The following EML5 variants were observed in gnomAD, a reference collection of about 807,000 sequenced individuals.
The protein encoded by EML5 is EMAP like 5.
In EML5, 120 loss-of-function variants were observed where a neutral mutation model predicts 250.0. The ratio of observed to expected loss-of-function variants is 0.48; its 90% CI spans 0.41 to 0.56. The LOEUF is 0.56. Ranked by LOEUF, EML5 falls within the 20% of genes least tolerant of loss-of-function variation. The probability of loss-of-function intolerance (pLI) is 0.00; values close to 1 mark genes in which losing one functional copy is unlikely to be tolerated. For synonymous variants in EML5, 771 were observed against 806.5 expected (o/e 0.96, Z 0.75); for missense variants, 2,006 against 2,437.6 (o/e 0.82, Z 3.73).
At chr14:88,784,659 A>T (rs2094532477) in intron 1 of EML5, among the ~76,000 whole-genome samples, 1 of 152,198 alleles carries the variant, frequency 6.6e-6, no homozygotes, top group African/African-American at 2.4e-5. Context: ...TCCAAATCAA[A>T]ACTACAATGA....
At position 88,620,576 on chromosome 14, in the gene EML5, TA is replaced by T; in HGVS notation, c.5375+177del. 2.0e-6 allele frequency: 1 copy of T among 503,260 alleles called. No homozygotes were observed. The allele number at this position is 503,260 out of a possible 1,614,324, so 31.2% of individuals were successfully genotyped here. A position where few individuals can be genotyped will look rare whatever the true frequency, so the allele number is the denominator to read the frequency against. On this transcript the variant is annotated intron_variant, in intron 39 of 43. Coordinates refer to ENST00000554922, the MANE Select transcript of EML5 (RefSeq NM_183387.3). The surrounding 1 kb of genome is among the most constrained non-coding windows in gnomAD (Gnocchi z 4.3). ...TTATAGTTGGTGCCCAGTGGGTTTA[TA>T]ATTTAGCAAGAAGAATTAAGTAGTA...
intron 37 of EML5, chr14:88,621,514 C>T (rs1371876565): frequency 1.7e-5 from 10 of 587,662 alleles, no homozygotes; most frequent in African/African-American, 1.1e-4. Context: ...ATATTAGAGT[C>T]CATGCTACAG....
At chr14:88,667,765 C>T (rs1354744119) in intron 21 of EML5, among the ~76,000 whole-genome samples, 2 of 152,206 alleles carry the variant, frequency 1.3e-5, no homozygotes, top group African/African-American at 4.8e-5. Context: ...GAGTGGCAGC[C>T]CCAACTGCCT....
rs1055542823 is a variant in EML5 at position 88,681,377 on chromosome 14, G to A, written c.3124+513C>T. On this transcript the variant is annotated intron_variant, in intron 21 of 43. Coordinates refer to ENST00000554922, the MANE Select transcript of EML5 (RefSeq NM_183387.3). Reference sequence around the variant, plus strand: ...TGTGATCCCACCACTTTGGCAGGCCGAGGTGGGCAGATCATGAGGTCAGGA... The same window carrying A: ...TGTGATCCCACCACTTTGGCAGGCCAAGGTGGGCAGATCATGAGGTCAGGA... Among the ~76,000 whole-genome samples, 22 of 152,348 alleles carry A rather than the reference G, an allele frequency of 1.4e-4. 1 individual carries two copies. The highest frequency in any genetic ancestry group is 1.2e-3 in the Admixed American group (18 of 15,312).
At position 88,621,140 on chromosome 14, in the gene EML5, T is replaced by C. The variant is rs761530690; in HGVS notation, c.5175A>G (p.Thr1725=). The C allele has an allele frequency of 8.7e-6, 14 of 1,613,790 alleles. No homozygotes were observed. The highest frequency in any genetic ancestry group is 1.7e-5 in the Admixed American group (1 of 59,994). ...DFFLSAAEDG[T]VRLWDIADKK... ...TATCAGCAATATCCCAAAGTCTCAC[T>C]GTCCCATCTTCTGCAGCAGAAAGGA... Residue 1725 remains threonine (T), a synonymous_variant, in exon 38 of 44, where the codon ACA becomes ACG. Coordinates refer to ENST00000554922, the MANE Select transcript of EML5 (RefSeq NM_183387.3).
intron 32 of EML5, among the ~76,000 whole-genome samples, chr14:88,635,735 G>A (rs115203301): frequency 1.9e-4 from 29 of 152,158 alleles, no homozygotes; most frequent in African/African-American, 7.0e-4. Flanking sequence ...GCTATGAACT[G>A]GATGTCTGTC....
intron 8 of EML5, among the ~76,000 whole-genome samples, chr14:88,724,565 T>G (rs1261285092): frequency 6.9e-6 from 1 of 145,342 alleles, no homozygotes; most frequent in Non-Finnish European, 1.5e-5. Flanking sequence ...AGTAAATGTA[T>G]AACTAAAAAA....
intron 7 of EML5, among the ~76,000 whole-genome samples, chr14:88,729,870 GTTTT>G (rs71130010): frequency 9.9e-6 from 1 of 101,114 alleles, no homozygotes; most frequent in African/African-American, 3.3e-5. Context: ...CTTGTTTTTT[GTTTT>G]TTTTTTTTGT....
rs1193507809 is a variant in EML5, at chr14:88,622,710, T to C, written c.4907A>G (p.Glu1636Gly). 11 of 1,604,048 alleles carry C rather than the reference T, an allele frequency of 6.9e-6. No homozygotes were observed. The East Asian group carries it at 1.1e-4, about 16-fold the overall frequency. Residue 1636 changes from glutamate to glycine, a missense_variant, in exon 37 of 44, where the codon GAA becomes GGA. Physicochemically the swap from Glu to Gly is moderately conservative, Grantham distance 98. This residue lies in a region of EML5 where 405 missense variants were observed against 523.3 expected (regional missense o/e 0.77). Coordinates refer to ENST00000554922, the MANE Select transcript of EML5 (RefSeq NM_183387.3). ...ATCCCACAGTTTAACCGCTCCTCCT[T>C]CTTTTGACCTAAGTAAATAACCAAG... is the stretch of plus-strand genomic sequence containing the variant. ...VTGGKERPSK[E>G]GGAVKLWDQE...
chr14:88,780,936 T>TG (rs758194757), intron 1 of EML5, among the ~76,000 whole-genome samples: 27 of 152,218 alleles, frequency 1.8e-4, no homozygotes, highest in Non-Finnish European at 3.2e-4. Context: ...ATGTTAATCA[T>TG]ATCTATAAAA....
chr14:88,739,587 T>C (rs1014106372), intron 5 of EML5, among the ~76,000 whole-genome samples: 1 of 152,030 alleles, frequency 6.6e-6, no homozygotes, highest in Non-Finnish European at 1.5e-5. Context: ...ATTAGAAAAA[T>C]TCAGAATAAC....
At chr14:88,681,733 C>T (rs971795839) in intron 21 of EML5, among the ~76,000 whole-genome samples, 157 bp downstream of exon 21, 2 of 152,168 alleles carry the variant, frequency 1.3e-5, no homozygotes, top group Non-Finnish European at 1.5e-5. Context: ...AGTACAATTA[C>T]GTTTCTCTAT....
intron 15 of EML5, 77 bp from the exon 16 acceptor site, chr14:88,695,531 C>T: frequency 2.3e-6 from 3 of 1,280,824 alleles, no homozygotes; most frequent in African/African-American, 1.5e-5. Flanking sequence ...ATATTCTAAA[C>T]CCACATCCTA....
intron 21 of EML5, among the ~76,000 whole-genome samples, chr14:88,680,838 A>G (rs927685778): frequency 1.3e-5 from 2 of 152,176 alleles, no homozygotes; most frequent in Non-Finnish European, 2.9e-5. Flanking sequence ...GTAAAGTCCA[A>G]TCAAACATGA....
At chr14:88,718,249 A>G (rs1295223229) in intron 8 of EML5, among the ~76,000 whole-genome samples, 1 of 152,228 alleles carries the variant, frequency 6.6e-6, no homozygotes, top group Non-Finnish European at 1.5e-5. Context: ...GGATATGCAT[A>G]GCTCGAGTTT....
chr14:88,734,685 C>G (rs902879554), intron 7 of EML5, among the ~76,000 whole-genome samples: 1 of 152,050 alleles, frequency 6.6e-6, no homozygotes, highest in Admixed American at 6.6e-5. Context: ...TACATCACCA[C>G]CTAGGAAATA....
intron 32 of EML5, among the ~76,000 whole-genome samples, chr14:88,636,805 C>A (rs939226253): frequency 6.6e-6 from 1 of 152,148 alleles, no homozygotes; most frequent in African/African-American, 2.4e-5. Flanking sequence ...GTAGCAATCA[C>A]AGACAGATTT....
intron 21 of EML5, 46 bp downstream of exon 21, chr14:88,681,844 A>C (rs1371355861): frequency 1.9e-6 from 3 of 1,539,580 alleles, no homozygotes; most frequent in Non-Finnish European, 2.6e-6. Flanking sequence ...TAAAGGTTAG[A>C]AAACTGTGAG....
chr14:88,686,757 G>A (rs775176010), intron 19 of EML5, among the ~76,000 whole-genome samples: 6 of 152,106 alleles, frequency 3.9e-5, no homozygotes, highest in Non-Finnish European at 7.4e-5. Flanking sequence ...GTTTCAGTGA[G>A]TTATGATTGC....
Sources: gnomAD v4.1 joint callset for allele counts (sites outside exome capture counted in the v4.1 genomes callset) on GRCh38, gnomAD v4.1.1 for gene constraint, gnomAD v4.1.1 regional missense constraint, Gnocchi (gnomAD v3.1) non-coding constraint, MANE v1.5 for transcripts, NCBI Gene and HGNC (gene_info 2026-07-23, HGNC 2026-07-21) for gene names.